The following GPC6 variants were observed in gnomAD, a reference collection of about 807,000 sequenced individuals.
The protein encoded by GPC6 is glypican-6.
In GPC6, 14 loss-of-function variants were observed where a neutral mutation model predicts 55.2. The observed-to-expected ratio is 0.25, with a 90% CI of 0.17 to 0.40. The LOEUF (loss-of-function observed/expected upper bound fraction) is 0.40. GPC6 is among the 10% of genes least tolerant of loss of function. The pLI, the probability that GPC6 is intolerant of heterozygous loss-of-function variation, is 1.00. For missense variants in GPC6, 641 were observed against 708.5 expected (o/e 0.90, Z 1.08); for synonymous variants, 278 against 259.6 (o/e 1.07, Z -0.68).
intron 1 of GPC6, among the ~76,000 whole-genome samples, chr13:93,427,669 A>C (rs1877192669): frequency 6.6e-6 from 1 of 152,120 alleles, no homozygotes; most frequent in Non-Finnish European, 1.5e-5. Flanking sequence ...CATCTTATTT[A>C]TGAATGAACC....
At chr13:93,419,988 G>A (rs1024639923) in intron 1 of GPC6, among the ~76,000 whole-genome samples, 4 of 152,038 alleles carry the variant, frequency 2.6e-5, no homozygotes, top group South Asian at 2.1e-4. Flanking sequence ...GAGAATAAAG[G>A]TAACAGGCTC....
intron 2 of GPC6, among the ~76,000 whole-genome samples, chr13:93,575,561 A>T (rs1181060918): frequency 6.6e-6 from 1 of 152,178 alleles, no homozygotes; most frequent in Non-Finnish European, 1.5e-5. Flanking sequence ...CATCCTTTGA[A>T]AATGACTGTA....
chr13:93,530,597 A>T (rs932524377), intron 1 of GPC6, among the ~76,000 whole-genome samples: 3 of 152,152 alleles, frequency 2.0e-5, no homozygotes, highest in Non-Finnish European at 4.4e-5. Flanking sequence ...GAACCGGCGC[A>T]TATTGGTTTG....
chr13:94,278,312 C>T (rs1566626468), intron 4 of GPC6, among the ~76,000 whole-genome samples: 1 of 152,194 alleles, frequency 6.6e-6, no homozygotes, highest in African/African-American at 2.4e-5. Context: ...GCTCAAGTTG[C>T]TTATCAGCTT....
At position 94,130,904 on chromosome 13, in the gene GPC6, ATTTG is replaced by A. The variant is rs534191924; in HGVS notation, c.877+103018_877+103021del. Among the ~76,000 whole-genome samples the A allele has an allele frequency of 2.6e-5, 4 of 152,140 alleles. No individual in the cohort carries two copies. In the South Asian group the frequency reaches 8.3e-4, roughly 31 times the overall value. Reference sequence around the variant, plus strand: ...TGGACTGTTAAGTACTTGAGAAATAATTTGTTTGTTTTTGCAGCTCATAGTTTAA... The same window carrying A: ...TGGACTGTTAAGTACTTGAGAAATAATTTGTTTTTGCAGCTCATAGTTTAA... On this transcript the variant is annotated intron_variant, in intron 4 of 8. Transcript: ENST00000377047.
At chr13:94,079,598 A>T (rs79430516) in intron 4 of GPC6, among the ~76,000 whole-genome samples, 2,037 of 152,234 alleles carry the variant, frequency 0.013, 45 homozygotes, top group African/African-American at 0.047. Flanking sequence ...ACACTTTAAT[A>T]TTTCTAACTA....
At chr13:94,226,477 C>T (rs992200680) in intron 4 of GPC6, among the ~76,000 whole-genome samples, 2 of 152,138 alleles carry the variant, frequency 1.3e-5, no homozygotes, top group Non-Finnish European at 2.9e-5. Context: ...GATGGATAAA[C>T]TGATTACCCT....
intron 2 of GPC6, among the ~76,000 whole-genome samples, chr13:93,816,146 G>A (rs1170468959): frequency 6.6e-6 from 1 of 151,794 alleles, no homozygotes; most frequent in Non-Finnish European, 1.5e-5. Flanking sequence ...TTTTTCTTTA[G>A]TTTGGTCTGA....
At chr13:94,221,774 T>A (rs1349682075) in intron 4 of GPC6, among the ~76,000 whole-genome samples, 1 of 152,072 alleles carries the variant, frequency 6.6e-6, no homozygotes, top group East Asian at 1.9e-4. Context: ...AGACTTAAGA[T>A]ACTGTGATTA....
At chr13:93,727,335 C>T (rs574522535) in intron 2 of GPC6, among the ~76,000 whole-genome samples, 44 of 152,212 alleles carry the variant, frequency 2.9e-4, no homozygotes, top group African/African-American at 9.4e-4. Context: ...ATTTTTCTTT[C>T]TGTCTGTAAT....
chr13:94,127,304 A>G (rs890682767), intron 4 of GPC6, among the ~76,000 whole-genome samples: 2 of 152,104 alleles, frequency 1.3e-5, no homozygotes, highest in African/African-American at 2.4e-5. Flanking sequence ...TGTTTGGATC[A>G]TGGGGACAGA....
At chr13:93,225,503 GTTTTGTT>G (rs1875745040), upstream of GPC6, among the ~76,000 whole-genome samples, 1 of 11,394 alleles carries the variant, frequency 8.8e-5, no homozygotes, top group African/African-American at 9.8e-5. Context: ...TTTTTGTTTT[GTTTTGTT>G]TTTTTTTTTT....
intron 4 of GPC6, among the ~76,000 whole-genome samples, chr13:94,192,430 G>C (rs1189988759): frequency 1.3e-5 from 2 of 152,130 alleles, no homozygotes; most frequent in Non-Finnish European, 2.9e-5. Context: ...CAGAAAGATG[G>C]AATGCCAAGA....
At chr13:93,780,531 C>T (rs546607123) in intron 2 of GPC6, among the ~76,000 whole-genome samples, 2 of 151,972 alleles carry the variant, frequency 1.3e-5, no homozygotes, top group East Asian at 3.9e-4. Flanking sequence ...ACAGCTGGCA[C>T]TCTAACTATA....
At chr13:93,294,211 AT>A (rs765849655) in intron 1 of GPC6, among the ~76,000 whole-genome samples, 3 of 152,216 alleles carry the variant, frequency 2.0e-5, no homozygotes, top group Non-Finnish European at 4.4e-5. Context: ...AATATTATAT[AT>A]ACAATTTAGT....
chr13:93,555,317 A>G (rs1293541152), intron 2 of GPC6, among the ~76,000 whole-genome samples: 2 of 152,182 alleles, frequency 1.3e-5, no homozygotes, highest in African/African-American at 4.8e-5. Context: ...GTCTAAGCTC[A>G]TTAAGTTCAG....
At chr13:93,917,084 G>A (rs1877330697) in intron 3 of GPC6, among the ~76,000 whole-genome samples, 9 of 152,100 alleles carry the variant, frequency 5.9e-5, no homozygotes, top group Admixed American at 5.9e-4. Context: ...GTGTGTGTTT[G>A]ACATGAGAAA....
chr13:94,345,551 C>T (rs146824846), intron 6 of GPC6, among the ~76,000 whole-genome samples: 27 of 152,250 alleles, frequency 1.8e-4, no homozygotes, highest in African/African-American at 5.8e-4. Context: ...TGCAGAGTTA[C>T]GATCCTTCTC....
chr13:94,118,829 C>A (rs1441681814), intron 4 of GPC6, among the ~76,000 whole-genome samples: 1 of 152,038 alleles, frequency 6.6e-6, no homozygotes, highest in Admixed American at 6.6e-5. Context: ...AAAGAGAAAC[C>A]TACTATATGC....
Sources: gnomAD v4.1 joint callset for allele counts (sites outside exome capture counted in the v4.1 genomes callset) on GRCh38, gnomAD v4.1.1 for gene constraint, MANE v1.5 for transcripts, NCBI Gene and HGNC (gene_info 2026-07-23, HGNC 2026-07-21) for gene names.